VWF: variants seen among roughly 807,000 people sequenced by gnomAD.
The protein encoded by VWF is Factor VIII related antigen.
Under a neutral mutation model 308.6 loss-of-function variants are expected in VWF, and 176 were observed. That is an observed-to-expected ratio of 0.57 (90% CI 0.50 to 0.65). VWF has a LOEUF of 0.65. Ranked by LOEUF, VWF falls within the 30% of genes least tolerant of loss-of-function variation. The pLI is 0.00. For missense variants in VWF, 3,146 were observed against 3,648.2 expected, an observed-to-expected ratio of 0.86 and a Z score of 3.55; for synonymous variants, 1,385 against 1,443.4, an observed-to-expected ratio of 0.96 and a Z score of 0.92.
At chr12:5,958,695 T>A (rs781741718) in intron 47 of VWF, among the ~76,000 whole-genome samples, 11 of 151,850 alleles carry the variant, frequency 7.2e-5, no homozygotes, top group Admixed American at 2.6e-4. Flanking sequence ...TCTCAAAAAA[T>A]AAATAAATAA....
At chr12:6,033,375 A>C (rs1163680036) in intron 20 of VWF, among the ~76,000 whole-genome samples, 1 of 152,180 alleles carries the variant, frequency 6.6e-6, no homozygotes, top group Non-Finnish European at 1.5e-5. Flanking sequence ...TTGGAGGGGG[A>C]GTCTTTAAAA....
chr12:6,018,193 T>C (rs754646702), intron 28 of VWF, among the ~76,000 whole-genome samples, 172 bp downstream of exon 28: 1 of 152,162 alleles, frequency 6.6e-6, no homozygotes, highest in South Asian at 2.1e-4. Flanking sequence ...TTTGTCTCCC[T>C]GCCAGGGAGG....
At chr12:6,037,866 A>G (rs1346159163) in intron 18 of VWF, among the ~76,000 whole-genome samples, 2 of 152,286 alleles carry the variant, frequency 1.3e-5, no homozygotes, top group African/African-American at 4.8e-5. Flanking sequence ...AGGGCTTTCA[A>G]GGACCCAGGC....
rs1943542158 is a variant in VWF at position 5,977,145 on chromosome 12, A to G, written c.7288-885T>C. Among the ~76,000 whole-genome samples, 2 of 152,240 alleles carry G rather than the reference A, an allele frequency of 1.3e-5. 1 individual carries two copies. The highest frequency in any genetic ancestry group is 4.1e-4 in the South Asian group (2 of 4,834). On this transcript the variant is annotated intron_variant, in intron 42 of 51. Coordinates refer to ENST00000261405, the MANE Select transcript of VWF (RefSeq NM_000552.5). ...ATTAAAAGGCCTGCAGGAAAATGTT[A>G]CCATCCCTATGGAGAAGAATTGTTT...
chr12:6,114,602 G>T (rs769632270), intron 3 of VWF, among the ~76,000 whole-genome samples: 1 of 152,196 alleles, frequency 6.6e-6, no homozygotes, highest in Non-Finnish European at 1.5e-5. Context: ...AGACCCTGGG[G>T]TAACTTGCCT....
At chr12:6,064,505 A>G in intron 11 of VWF, 121 bp from the exon 12 acceptor site, 1 of 1,427,424 alleles carries the variant, frequency 7.0e-7, no homozygotes, top group Non-Finnish European at 9.6e-7. Flanking sequence ...CTCATAACCT[A>G]CAACTCCATT....
intron 17 of VWF, among the ~76,000 whole-genome samples, 166 bp from the exon 18 acceptor site, chr12:6,044,617 G>C (rs1048196148): frequency 1.3e-5 from 2 of 152,154 alleles, no homozygotes; most frequent in African/African-American, 4.8e-5. Flanking sequence ...TGTGGGACTG[G>C]GAGGGCATCT....
At chr12:6,016,945 C>G in intron 28 of VWF, 75 bp from the exon 29 acceptor site, 2 of 1,495,282 alleles carry the variant, frequency 1.3e-6, no homozygotes, top group South Asian at 2.3e-5. Flanking sequence ...AACCTGACAT[C>G]CAATAGGATC....
chr12:5,950,013 A>G (rs1164658015), intron 50 of VWF, 130 bp from the exon 51 acceptor site: 11 of 776,664 alleles, frequency 1.4e-5, no homozygotes, highest in Non-Finnish European at 2.0e-5. Flanking sequence ...AGCCACAGGG[A>G]GGGAATTCAG....
intron 42 of VWF, among the ~76,000 whole-genome samples, chr12:5,980,597 GC>G (rs1943593920): frequency 1.3e-5 from 2 of 152,178 alleles, no homozygotes; most frequent in Admixed American, 6.5e-5. Flanking sequence ...GGAGGGGTGG[GC>G]AGGAAGACGA....
rs1266137682 is a variant in VWF, at chr12:5,951,860, G to A, written c.8139C>T (p.Gly2713=). ...AEGGKIMKIP[G]TCCDTCEEPE... ...CGCACTCACATGTGTCACAGCAGGTGCCTGGAATTTTCATAATTTTACCCT... is the reference window on the plus strand; with the variant it reads ...CGCACTCACATGTGTCACAGCAGGTACCTGGAATTTTCATAATTTTACCCT... Residue 2713 remains glycine, a synonymous_variant, in exon 50 of 52, where the codon GGC becomes GGT. Coordinates refer to ENST00000261405, the MANE Select transcript of VWF (RefSeq NM_000552.5). 6.2e-7 allele frequency: 1 copy of A among 1,614,210 alleles called. No individual in the cohort carries two copies. Among genetic ancestry groups the A allele is most frequent in the African/African-American group, 1.3e-5 (1 of 75,054 alleles).
chr12:6,064,748 C>T (rs973706597), intron 11 of VWF, among the ~76,000 whole-genome samples: 3 of 152,178 alleles, frequency 2.0e-5, no homozygotes, highest in Non-Finnish European at 4.4e-5. Flanking sequence ...TCCATCCCTA[C>T]AGAAAGGAAG....
chr12:6,021,821 C>A, intron 27 of VWF, 79 bp downstream of exon 27: 1 of 1,592,146 alleles, frequency 6.3e-7, no homozygotes. Context: ...GGACTTTTTA[C>A]CCAAAACCTA....
At chr12:6,072,780 A>C (rs146864677) in intron 8 of VWF, among the ~76,000 whole-genome samples, 8 of 152,234 alleles carry the variant, frequency 5.3e-5, no homozygotes, top group Non-Finnish European at 8.8e-5. Context: ...ACTCATTACC[A>C]TTCCACAGAT....
At chr12:6,067,583 C>A (rs1944730668) in intron 10 of VWF, among the ~76,000 whole-genome samples, 1 of 152,160 alleles carries the variant, frequency 6.6e-6, no homozygotes, top group Admixed American at 6.5e-5. Flanking sequence ...AGCAACAGAG[C>A]CACAAACACA....
At chr12:6,087,437 C>A (rs1452029356) in intron 6 of VWF, among the ~76,000 whole-genome samples, 4 of 146,484 alleles carry the variant, frequency 2.7e-5, no homozygotes, top group Admixed American at 1.4e-4. Flanking sequence ...CGGCTCACTG[C>A]AAGCTTCGCC....
chr12:5,958,903 G>A (rs1943280663), intron 47 of VWF, among the ~76,000 whole-genome samples: 1 of 152,112 alleles, frequency 6.6e-6, no homozygotes, highest in Non-Finnish European at 1.5e-5. Context: ...GACAGCCTAA[G>A]ATGAGGAATG....
intron 18 of VWF, among the ~76,000 whole-genome samples, chr12:6,040,817 G>A (rs748153498): frequency 9.2e-5 from 14 of 152,266 alleles, no homozygotes; most frequent in Non-Finnish European, 1.6e-4. Context: ...CTCTAAGCAG[G>A]TGCCAGGCCT....
chr12:5,976,715 C>T (rs750232868), intron 42 of VWF, among the ~76,000 whole-genome samples: 2 of 152,048 alleles, frequency 1.3e-5, no homozygotes, highest in African/African-American at 2.4e-5. Context: ...CCCTTGCCCA[C>T]GAGTGACTAG....
Sources: allele counts gnomAD v4.1 joint callset (sites outside exome capture counted in the v4.1 genomes callset), GRCh38; gene constraint gnomAD v4.1.1; transcripts MANE v1.5; gene names NCBI Gene and HGNC (gene_info 2026-07-23, HGNC 2026-07-21).